The following GABARAPL2 variants were observed in gnomAD, a reference collection of about 807,000 sequenced individuals.
GABARAPL2 encodes gamma-aminobutyric acid receptor-associated protein-like 2.
In GABARAPL2, 11 loss-of-function variants were observed where a neutral mutation model predicts 16.9. That is an observed-to-expected ratio of 0.65 (90% CI 0.41 to 1.08). The LOEUF is 1.08. Ranked by LOEUF, GABARAPL2 falls within the 50% of genes least tolerant of loss-of-function variation. The pLI is 0.00. For missense variants in GABARAPL2, 134 were observed against 142.5 expected (o/e 0.94, Z 0.30); for synonymous variants, 57 against 50.7 (o/e 1.12, Z -0.53).
rs568289519 is a variant in GABARAPL2 at position 75,573,479 on chromosome 16, A to T, written c.264-3800A>T. Among the ~76,000 whole-genome samples the T allele has an allele frequency of 2.6e-5, 4 of 152,334 alleles. No homozygotes were observed. The South Asian group carries it at 8.3e-4, about 32-fold the overall frequency. On this transcript the variant is annotated intron_variant, in intron 3 of 3. Coordinates refer to ENST00000037243, the MANE Select transcript of GABARAPL2 (RefSeq NM_007285.7). ...TTGCCCAAGGGGTATCCTGACTATA[A>T]GGACACAGTGCTACTGCCAACTAAG...
chr16:75,567,924 A>G (rs887391748), intron 2 of GABARAPL2, 113 bp from the exon 3 acceptor site: 31 of 688,746 alleles, frequency 4.5e-5, no homozygotes, highest in African/African-American at 4.1e-4. Flanking sequence ...TTCTCCTGCT[A>G]TGCAGTTCCC....
Position 75,566,406 on chromosome 16 carries a change from T to A in GABARAPL2, c.-81T>A, listed in dbSNP as rs1394294902. 11 of 1,086,520 alleles carry A rather than the reference T, an allele frequency of 1.0e-5. No individual in the cohort carries two copies. The highest frequency in any genetic ancestry group is 1.5e-5 in the Non-Finnish European group (11 of 729,238). The allele number at this position is 1,086,520 out of a possible 1,614,324, so 67.3% of individuals were successfully genotyped here. ...TCGCCGCCGTCGCTGCCGCTGCCGC[T>A]GCCGCCGTCGTTGTTGTTGTGCTCG... On this transcript the variant is annotated 5_prime_UTR_variant, in exon 1 of 4. Transcript: ENST00000037243.
Position 75,568,275 on chromosome 16 carries a change from A to G in GABARAPL2, c.263+66A>G, listed in dbSNP as rs890906531. The G allele has an allele frequency of 5.6e-5, 66 of 1,182,512 alleles. 3 individuals are homozygous for G. The Middle Eastern group carries it at 6.6e-3, about 119-fold the overall frequency. The allele number at this position is 1,182,512 out of a possible 1,614,324, so 73.3% of individuals were successfully genotyped here. A position where few individuals can be genotyped will look rare whatever the true frequency, so the allele number is the denominator to read the frequency against. Reference sequence around the variant, plus strand: ...TCTGGTTGGCTGCTTACGGAACTCCAAAACTTTGGAAGTCTGAAAACTCTT... The same window carrying G: ...TCTGGTTGGCTGCTTACGGAACTCCGAAACTTTGGAAGTCTGAAAACTCTT... On this transcript the variant is annotated intron_variant, in intron 3 of 3. Transcript: ENST00000037243.
chr16:75,570,285 T>G (rs1034941827), intron 3 of GABARAPL2, among the ~76,000 whole-genome samples: 12 of 152,172 alleles, frequency 7.9e-5, no homozygotes, highest in Non-Finnish European at 1.3e-4. Context: ...AATTTGTTTC[T>G]AAACATAAGA....
intron 3 of GABARAPL2, among the ~76,000 whole-genome samples, chr16:75,574,083 A>C (rs1320292198): frequency 6.6e-6 from 1 of 152,224 alleles, no homozygotes; most frequent in Non-Finnish European, 1.5e-5. Flanking sequence ...AAAGCCAGAA[A>C]GGAATGAAAG....
intron 3 of GABARAPL2, chr16:75,568,422 T>TA (rs2151717238): frequency 5.0e-6 from 2 of 402,180 alleles, no homozygotes; most frequent in Non-Finnish European, 4.5e-6. Context: ...CCTGGACTTT[T>TA]AAAAAAATGA....
intron 3 of GABARAPL2, among the ~76,000 whole-genome samples, chr16:75,568,981 C>T (rs1330498865): frequency 6.6e-6 from 1 of 152,198 alleles, no homozygotes; most frequent in Non-Finnish European, 1.5e-5. Flanking sequence ...CAGCCCCCAC[C>T]TCTCCCCTGA....
intron 3 of GABARAPL2, among the ~76,000 whole-genome samples, chr16:75,573,317 G>T (rs1392439980): frequency 1.9e-4 from 29 of 152,182 alleles, no homozygotes; most frequent in Admixed American, 1.9e-3. Context: ...TTGGCTGCAG[G>T]CCAAATTATT....
Position 75,566,475 on chromosome 16 carries a change from CCCG to C in GABARAPL2, c.-3_-1del, listed in dbSNP as rs1378036992. 2 of 1,604,020 alleles carry C rather than the reference CCCG, an allele frequency of 1.2e-6. No homozygotes were observed. The highest frequency in any genetic ancestry group is 1.7e-5 in the Admixed American group (1 of 59,618). On this transcript the variant is annotated 5_prime_UTR_variant, in exon 1 of 4. Coordinates refer to ENST00000037243, the MANE Select transcript of GABARAPL2 (RefSeq NM_007285.7). ...CTCCGCGAGCCGGTTCCGTCCCCTT[CCCG>C]CCGCCGCCATGAAGTGGATGTTCAA...
At chr16:75,566,804 C>T in intron 1 of GABARAPL2, 48 bp from the exon 2 acceptor site, 1 of 1,566,076 alleles carries the variant, frequency 6.4e-7, no homozygotes, top group South Asian at 1.1e-5. Context: ...GGCCGGGAAC[C>T]GACCGGTGGG....
intron 3 of GABARAPL2, among the ~76,000 whole-genome samples, chr16:75,570,177 T>C (rs1249630748): frequency 6.6e-6 from 1 of 152,066 alleles, no homozygotes; most frequent in East Asian, 1.9e-4. Flanking sequence ...CTCACTACAA[T>C]CTCTGCCTCC....
chr16:75,573,332 C>G (rs1003249466), intron 3 of GABARAPL2, among the ~76,000 whole-genome samples: 15 of 152,234 alleles, frequency 9.9e-5, no homozygotes, highest in Non-Finnish European at 1.8e-4. Flanking sequence ...ATTATTCTGA[C>G]TCTGCATGTA....
In GABARAPL2 at chr16:75,566,791, G is replaced by C. The variant is rs1048075364; in HGVS notation, c.35-61G>C. Reference sequence around the variant, plus strand: ...CGCAGGGCGCAGGAGGAGGAGGGCCGGGGGCCGGGAACCGACCGGTGGGCA... The same window carrying C: ...CGCAGGGCGCAGGAGGAGGAGGGCCCGGGGCCGGGAACCGACCGGTGGGCA... On this transcript the variant is annotated intron_variant, in intron 1 of 3. Coordinates refer to ENST00000037243, the MANE Select transcript of GABARAPL2 (RefSeq NM_007285.7). 1.3e-5 allele frequency: 19 copies of C among 1,469,028 alleles called. No individual in the cohort carries two copies. The South Asian group carries it at 2.0e-4, about 16-fold the overall frequency. 91.0% of individuals were successfully genotyped at this position (1,469,028 alleles called of 1,614,324 possible).
In GABARAPL2 at chr16:75,577,259, TTTTG is replaced by T; in HGVS notation, c.264-16_264-13del. 1.3e-6 allele frequency: 2 copies of T among 1,523,902 alleles called. No homozygotes were observed. Among genetic ancestry groups the T allele is most frequent in the Middle Eastern group, 1.7e-4 (1 of 5,922 alleles). The allele number at this position is 1,523,902 out of a possible 1,614,324, so 94.4% of individuals were successfully genotyped here. A position where few individuals can be genotyped will look rare whatever the true frequency, so the allele number is the denominator to read the frequency against. On this transcript the variant is annotated splice_polypyrimidine_tract_variant and intron_variant, in intron 3 of 3. Transcript: ENST00000037243. The stretch of plus-strand genomic sequence containing the variant: ...CCTGGACTCCAATTTTCAATGACGT[TTTTG>T]TTTTTCTCTTTCAAGCCTAACTATG...
At chr16:75,577,180 A>G in intron 3 of GABARAPL2, 99 bp from the exon 4 acceptor site, 1 of 753,726 alleles carries the variant, frequency 1.3e-6, no homozygotes, top group African/African-American at 1.7e-5. Flanking sequence ...GCAGGTACTG[A>G]CACCTGAAGT....
intron 3 of GABARAPL2, among the ~76,000 whole-genome samples, chr16:75,569,949 C>T (rs1028816433): frequency 8.5e-5 from 13 of 152,194 alleles, no homozygotes; most frequent in East Asian, 1.9e-4. Context: ...ATTTTAGGGC[C>T]GAGTAGCCAG....
chr16:75,574,559 G>A (rs905664408), intron 3 of GABARAPL2, among the ~76,000 whole-genome samples: 24 of 152,022 alleles, frequency 1.6e-4, no homozygotes, highest in Non-Finnish European at 3.2e-4. Context: ...TACTCTCTGG[G>A]CATTCTCAAC....
intron 3 of GABARAPL2, chr16:75,572,641 C>G (rs562808715): frequency 3.9e-5 from 6 of 152,256 alleles, no homozygotes; most frequent in African/African-American, 1.4e-4. Context: ...GTGGTTTTAC[C>G]TGGATCTGTG....
intron 3 of GABARAPL2, among the ~76,000 whole-genome samples, chr16:75,574,724 C>T (rs1290038064): frequency 6.6e-6 from 1 of 151,994 alleles, no homozygotes; most frequent in Non-Finnish European, 1.5e-5. Context: ...AAAGGTCAGG[C>T]ATTTCCCTTT....
Sources: allele counts gnomAD v4.1 joint callset (sites outside exome capture counted in the v4.1 genomes callset), GRCh38; gene constraint gnomAD v4.1.1; transcripts MANE v1.5; gene names NCBI Gene and HGNC (gene_info 2026-07-23, HGNC 2026-07-21).